The following IFIH1 variants were observed in gnomAD, a reference collection of about 807,000 sequenced individuals.
IFIH1 encodes the protein interferon-induced helicase C domain-containing protein 1.
Under a neutral mutation model 107.4 loss-of-function variants are expected in IFIH1, and 125 were observed. The ratio of observed to expected loss-of-function variants is 1.16; its 90% CI spans 1.01 to 1.35. IFIH1 has a LOEUF of 1.35. Among genes scored for constraint, IFIH1 ranks in the 40% most tolerant of loss-of-function variants. IFIH1 has a pLI of 0.00. For synonymous variants in IFIH1, 458 were observed against 413.2 expected (o/e 1.11, Z -1.31); for missense variants, 1,333 against 1,213.7 (o/e 1.10, Z -1.46).
intron 3 of IFIH1, 94 bp downstream of exon 3, chr2:162,306,615 C>A: frequency 5.0e-6 from 4 of 792,564 alleles, no homozygotes; most frequent in Non-Finnish European, 5.9e-6. Context: ...AACCTTAATG[C>A]CCACATTTTC....
At position 162,268,067 on chromosome 2, in the gene IFIH1, A is replaced by G. The variant is rs370508451; in HGVS notation, c.2807+20T>C. On this transcript the variant is annotated intron_variant, in intron 14 of 15. Transcript: ENST00000649979. ...TCACCCCTTGTGGAAAAATGTAAAA[A>G]TGGGTCTTTCTGGACTCACTTGAAT... 34 of 1,545,986 alleles carry G rather than the reference A, an allele frequency of 2.2e-5. No homozygotes were observed. In the African/African-American group the frequency reaches 4.3e-4, roughly 20 times the overall value.
At chr2:162,305,412 A>T (rs1053557247) in intron 3 of IFIH1, among the ~76,000 whole-genome samples, 1 of 152,066 alleles carries the variant, frequency 6.6e-6, no homozygotes, top group East Asian at 1.9e-4. Context: ...TCTACTAAAA[A>T]TACAAAAATT....
intron 14 of IFIH1, 100 bp downstream of exon 14, chr2:162,267,987 A>T: frequency 2.6e-6 from 2 of 761,834 alleles, no homozygotes; most frequent in Non-Finnish European, 4.1e-6. Context: ...GAAGTTGTAA[A>T]ATAAATGAAT....
intron 11 of IFIH1, among the ~76,000 whole-genome samples, chr2:162,274,500 G>A (rs935915306): frequency 2.0e-5 from 3 of 152,162 alleles, no homozygotes; most frequent in African/African-American, 4.8e-5. Context: ...CTAGGGAGGG[G>A]AGCTGGAAGA....
At chr2:162,277,354 C>A in intron 10 of IFIH1, 61 bp downstream of exon 10, 1 of 1,154,698 alleles carries the variant, frequency 8.7e-7, no homozygotes, top group South Asian at 1.4e-5. Flanking sequence ...TTATGAGAAG[C>A]AGTAAGTTCA....
In IFIH1 at chr2:162,297,019, C is replaced by T. The variant is rs375122229; in HGVS notation, c.770-3351G>A. Among the ~76,000 whole-genome samples, 23 of 151,910 alleles carry T rather than the reference C, an allele frequency of 1.5e-4. No homozygotes were observed. In the East Asian group the frequency reaches 2.3e-3, roughly 15 times the overall value. Reference sequence around the variant, plus strand: ...GCAAATTCTTATGCATTTTGATATACGTTTTTGCTTTCATAGAAATATAAG... The same window carrying T: ...GCAAATTCTTATGCATTTTGATATATGTTTTTGCTTTCATAGAAATATAAG... On this transcript the variant is annotated intron_variant, in intron 3 of 15. Transcript: ENST00000649979.
rs1434055094 is a variant in IFIH1 at position 162,272,381 on chromosome 2, C to T, written c.2461G>A (p.Gly821Ser). 6.2e-7 allele frequency: 1 copy of T among 1,611,772 alleles called. No individual in the cohort carries two copies. The highest frequency in any genetic ancestry group is 1.1e-5 in the South Asian group (1 of 90,942). Residue 821 changes from glycine to serine, a missense_variant, in exon 13 of 16, where the codon GGT becomes AGT. Physicochemically the swap from Gly to Ser is moderately conservative, Grantham distance 56. Coordinates refer to ENST00000649979, the MANE Select transcript of IFIH1 (RefSeq NM_022168.4). ...TNEIAMVQAR[G>S]RARADESTYV... is the part of the protein sequence containing the mutation. Reference sequence around the variant, plus strand: ...GTGCTCTCATCAGCTCTGGCTCGACCACGGGCCTGAAAACACAAATAAATC... The same window carrying T: ...GTGCTCTCATCAGCTCTGGCTCGACTACGGGCCTGAAAACACAAATAAATC...
At chr2:162,268,837 C>T (rs1219233946) in intron 13 of IFIH1, among the ~76,000 whole-genome samples, 1 of 152,096 alleles carries the variant, frequency 6.6e-6, no homozygotes, top group Non-Finnish European at 1.5e-5. Context: ...GATCCACCTG[C>T]CTCAGCCTCT....
intron 11 of IFIH1, among the ~76,000 whole-genome samples, chr2:162,275,606 A>T (rs1576223593): frequency 6.6e-6 from 1 of 152,294 alleles, no homozygotes; most frequent in Middle Eastern, 3.4e-3. Flanking sequence ...GAACCATTTC[A>T]AGAATTTTTT....
rs768670882 is a variant in IFIH1 at position 162,293,641 on chromosome 2, C to G, written c.797G>C (p.Ser266Thr). ...AAGACTTTCATCTAAGCAGCTGACA[C>G]TTCCTTCTGCCAAACTTGTGTCTGA... Reference protein sequence around the residue: ...SESDTSLAEGSVSCLDESLGH... With the variant: ...SESDTSLAEGTVSCLDESLGH... The change falls in exon 4 of 16, where the codon AGT becomes ACT. Residue 266 changes from serine (S) to threonine (T), a missense_variant. Physicochemically the swap from Ser to Thr is moderately conservative, Grantham distance 58. Coordinates refer to ENST00000649979, the MANE Select transcript of IFIH1 (RefSeq NM_022168.4). The G allele has an allele frequency of 3.7e-6, 6 of 1,610,718 alleles. No individual in the cohort carries two copies. The highest frequency in any genetic ancestry group is 5.1e-6 in the Non-Finnish European group (6 of 1,177,706).
At chr2:162,311,045 C>A (rs1023177851) in intron 1 of IFIH1, 112 bp from the exon 2 acceptor site, 1 of 746,046 alleles carries the variant, frequency 1.3e-6, no homozygotes, top group Non-Finnish European at 2.1e-6. Context: ...TAAATAAAGG[C>A]TTACATTGAA....
intron 4 of IFIH1, among the ~76,000 whole-genome samples, chr2:162,293,063 T>C (rs1477374021): frequency 6.6e-6 from 1 of 151,932 alleles, no homozygotes; most frequent in African/African-American, 2.4e-5. Flanking sequence ...TTTCATTTAG[T>C]GACCGAAATA....
At chr2:162,289,229 T>A (rs984003179) in intron 4 of IFIH1, among the ~76,000 whole-genome samples, 11 of 151,946 alleles carry the variant, frequency 7.2e-5, no homozygotes, top group African/African-American at 1.9e-4. Context: ...ATTAAAAATA[T>A]TTTCAATTAA....
chr2:162,308,022 C>G (rs1489694522), intron 2 of IFIH1, among the ~76,000 whole-genome samples: 1 of 152,152 alleles, frequency 6.6e-6, no homozygotes, highest in Non-Finnish European at 1.5e-5. Context: ...GTCACACATT[C>G]AAGGAAGGAG....
rs1371494409 is a variant in IFIH1 at position 162,288,146 on chromosome 2, G to A, written c.1084C>T (p.Leu362Phe). The stretch of plus-strand genomic sequence containing the variant: ...TGTTCTTTGAATACCTTATTGACAA[G>A]AACTATAACTTTTCCAGGCTCAGAT... ...KASEPGKVIV[L>F]VNKVLLVEQL... The change falls in exon 5 of 16, where the codon CTT becomes TTT. Residue 362 changes from leucine (L) to phenylalanine (F), a missense_variant. By Grantham distance (22) the Leu-to-Phe change is conservative. Coordinates refer to ENST00000649979, the MANE Select transcript of IFIH1 (RefSeq NM_022168.4). 1 of 1,607,006 alleles carries A rather than the reference G, an allele frequency of 6.2e-7. No individual in the cohort carries two copies. The highest frequency in any genetic ancestry group is 8.5e-7 in the Non-Finnish European group (1 of 1,174,896).
chr2:162,315,782 A>T (rs1683480533), intron 1 of IFIH1, among the ~76,000 whole-genome samples: 1 of 152,220 alleles, frequency 6.6e-6, no homozygotes, highest in Admixed American at 6.5e-5. Context: ...AATATAGATT[A>T]TTCTACCAAA....
intron 3 of IFIH1, among the ~76,000 whole-genome samples, chr2:162,304,579 A>G (rs1045919034): frequency 2.0e-5 from 3 of 152,234 alleles, no homozygotes; most frequent in Non-Finnish European, 4.4e-5. Context: ...ATGAATTGAT[A>G]TCTTATATAC....
In IFIH1 at chr2:162,273,386, A is replaced by ACAG. The variant is rs1691083334; in HGVS notation, c.2454+406_2454+408dup. Among the ~76,000 whole-genome samples, 12 of 152,310 alleles carry ACAG rather than the reference A, an allele frequency of 7.9e-5. No individual in the cohort carries two copies. The South Asian group carries it at 2.5e-3, about 32-fold the overall frequency. The stretch of plus-strand genomic sequence containing the variant: ...AAGGATAAGGGAAGAAAATGCAGAA[A>ACAG]CAGCAGGGCTCCCTCAGGTTTGGGC... On this transcript the variant is annotated intron_variant, in intron 12 of 15. Coordinates refer to ENST00000649979, the MANE Select transcript of IFIH1 (RefSeq NM_022168.4).
Position 162,306,869 on chromosome 2 carries a change from T to C in IFIH1, c.623-14A>G, listed in dbSNP as rs1480114679. ...AATTCTCAATCTCTGTGAATAACAG[T>C]ATTAGAATGCAAATCATAGTGCCAT... On this transcript the variant is annotated splice_polypyrimidine_tract_variant and intron_variant, in intron 2 of 15. Transcript: ENST00000649979. The C allele has an allele frequency of 3.1e-6, 5 of 1,612,224 alleles. No homozygotes were observed. Among genetic ancestry groups the C allele is most frequent in the Non-Finnish European group, 4.2e-6 (5 of 1,178,578 alleles).
Sources: gnomAD v4.1 joint callset for allele counts (sites outside exome capture counted in the v4.1 genomes callset) on GRCh38, gnomAD v4.1.1 for gene constraint, MANE v1.5 for transcripts, NCBI Gene and HGNC (gene_info 2026-07-23, HGNC 2026-07-21) for gene names.